The following PTGES variants were observed in gnomAD, a reference collection of about 807,000 sequenced individuals.
PTGES encodes the protein prostaglandin E synthase.
Under a neutral mutation model 11.8 loss-of-function variants are expected in PTGES, and 3 were observed. The ratio of observed to expected loss-of-function variants is 0.25; its 90% CI spans 0.12 to 0.66. The LOEUF is 0.66. Among genes scored for constraint, PTGES ranks in the 30% least tolerant of loss-of-function variants. PTGES has a pLI of 0.82. For synonymous variants in PTGES, 94 were observed against 90.4 expected (o/e 1.04, Z -0.22); for missense variants, 180 against 213.0 (o/e 0.85, Z 0.96).
At position 129,739,350 on chromosome 9, in the gene PTGES, A is replaced by T. The variant is rs1832968792; in HGVS notation, c.*261T>A. 8.5e-6 allele frequency: 4 copies of T among 468,326 alleles called. No homozygotes were observed. The highest frequency in any genetic ancestry group is 1.5e-5 in the Non-Finnish European group (4 of 263,414). The allele number at this position is 468,326 out of a possible 1,614,324, so 29.0% of individuals were successfully genotyped here. On this transcript the variant is annotated 3_prime_UTR_variant, in exon 3 of 3. Transcript: ENST00000340607. The surrounding 1 kb of genome is among the most constrained non-coding windows in gnomAD (Gnocchi z 5.7). ...TACTTTAGCTGAAGGATTTTCTATC[A>T]ATCTTCACAATCTGTCTTGAAATGG...
At chr9:129,741,976 T>C (rs533724166) in intron 2 of PTGES, among the ~76,000 whole-genome samples, 1 of 151,710 alleles carries the variant, frequency 6.6e-6, no homozygotes, top group Admixed American at 6.6e-5. Flanking sequence ...GTCAAGTAAG[T>C]CCCTTACCAG....
At chr9:129,741,789 C>T (rs923217522) in intron 2 of PTGES, among the ~76,000 whole-genome samples, 2 of 152,118 alleles carry the variant, frequency 1.3e-5, no homozygotes, top group Non-Finnish European at 2.9e-5. Context: ...CCTGTAATCC[C>T]AGCTACTCGG....
chr9:129,746,140 TG>T (rs2130952807), intron 2 of PTGES, among the ~76,000 whole-genome samples: 1 of 152,242 alleles, frequency 6.6e-6, no homozygotes, highest in South Asian at 2.1e-4. Context: ...ACCAAGTATC[TG>T]TAAGGCCACT....
At chr9:129,750,523 C>G (rs45527733) in intron 1 of PTGES, among the ~76,000 whole-genome samples, 3,448 of 152,266 alleles carry the variant, frequency 0.023, 138 homozygotes, top group African/African-American at 0.078. Flanking sequence ...GAGTTGCTCC[C>G]CCTGGAGATA....
chr9:129,739,928 T>G lies in PTGES; in HGVS notation c.210-68A>C. Reference sequence around the variant, plus strand: ...GGGGCCATAGGCCCTTTTGAGAGTGTCATGGAAGCTGGGGGTGCTTTGACC... The same window carrying G: ...GGGGCCATAGGCCCTTTTGAGAGTGGCATGGAAGCTGGGGGTGCTTTGACC... On this transcript the variant is annotated intron_variant, in intron 2 of 2. Coordinates refer to ENST00000340607, the MANE Select transcript of PTGES (RefSeq NM_004878.5). This position sits in a 1 kb window ranked among gnomAD's most constrained non-coding sequence, Gnocchi z 5.7. 2.0e-6 allele frequency: 3 copies of G among 1,502,110 alleles called. No individual in the cohort carries two copies. The highest frequency in any genetic ancestry group is 2.7e-6 in the Non-Finnish European group (3 of 1,120,980). 93.0% of individuals were successfully genotyped at this position (1,502,110 alleles called of 1,614,324 possible).
At chr9:129,750,469 C>G (rs1032410975) in intron 1 of PTGES, among the ~76,000 whole-genome samples, 1 of 152,184 alleles carries the variant, frequency 6.6e-6, no homozygotes, top group Non-Finnish European at 1.5e-5. Context: ...TTCAAGGGGC[C>G]TCAGCATACA....
chr9:129,739,477 C>A lies in PTGES; in HGVS notation c.*134G>T. 1 of 1,277,682 alleles carries A rather than the reference C, an allele frequency of 7.8e-7. No homozygotes were observed. The highest frequency in any genetic ancestry group is 1.1e-6 in the Non-Finnish European group (1 of 949,240). The allele number at this position is 1,277,682 out of a possible 1,614,324, so 79.1% of individuals were successfully genotyped here. On this transcript the variant is annotated 3_prime_UTR_variant, in exon 3 of 3. Coordinates refer to ENST00000340607, the MANE Select transcript of PTGES (RefSeq NM_004878.5). This position sits in a 1 kb window ranked among gnomAD's most constrained non-coding sequence, Gnocchi z 5.7. ...ACACAGGCCCACTGTGCCCAGAGAC[C>A]CACACGCGCAGCAGGCTGCCAGGAA...
intron 2 of PTGES, among the ~76,000 whole-genome samples, chr9:129,746,234 C>A (rs1242932177): frequency 6.6e-6 from 1 of 152,164 alleles, no homozygotes; most frequent in Admixed American, 6.6e-5. Flanking sequence ...AAAACGCATC[C>A]TCTTGGTGGC....
At chr9:129,740,852 C>T (rs1463117808) in intron 2 of PTGES, among the ~76,000 whole-genome samples, 1 of 152,210 alleles carries the variant, frequency 6.6e-6, no homozygotes, top group Non-Finnish European at 1.5e-5. Flanking sequence ...GCATGACCTC[C>T]CCCAAGGACA....
chr9:129,748,856 C>T (rs1038747174), intron 1 of PTGES, 119 bp from the exon 2 acceptor site: 11 of 771,690 alleles, frequency 1.4e-5, no homozygotes, highest in Non-Finnish European at 8.1e-6. Context: ...TGCACACACA[C>T]CCATCCAACC....
chr9:129,751,550 G>A (rs1398850723), intron 1 of PTGES, among the ~76,000 whole-genome samples: 1 of 151,798 alleles, frequency 6.6e-6, no homozygotes, highest in African/African-American at 2.4e-5. Context: ...ATGGTGGTGT[G>A]TGTCTGTAAT....
At chr9:129,751,850 A>G (rs1346098266) in intron 1 of PTGES, among the ~76,000 whole-genome samples, 1 of 152,142 alleles carries the variant, frequency 6.6e-6, no homozygotes, top group Admixed American at 6.6e-5. Flanking sequence ...CGGGGATCTC[A>G]TGCTCAGCTC....
Position 129,739,603 on chromosome 9 carries a change from G to A in PTGES, c.*8C>T, listed in dbSNP as rs1423799836. On this transcript the variant is annotated 3_prime_UTR_variant, in exon 3 of 3. Transcript: ENST00000340607. This position sits in a 1 kb window ranked among gnomAD's most constrained non-coding sequence, Gnocchi z 5.7. ...TGGTCTGGTGGCCAAGGAGGCATCA[G>A]CTGCTGGTCACAGGTGGCGGGCCGC... 1 of 1,549,132 alleles carries A rather than the reference G, an allele frequency of 6.5e-7. No homozygotes were observed. Among genetic ancestry groups the A allele is most frequent in the Admixed American group, 2.0e-5 (1 of 50,962 alleles).
chr9:129,743,201 C>A lies in PTGES; in HGVS notation c.210-3341G>T, dbSNP rs1045375835. ...TCTGACTGTCAGCCCCTGGGGCTGG[C>A]CCAGCCCTCCCTCACTCGTCTGGTC... On this transcript the variant is annotated intron_variant, in intron 2 of 2. Transcript: ENST00000340607. 2.0e-5 allele frequency among the ~76,000 whole-genome samples: 3 copies of A among 152,272 alleles called. No homozygotes were observed. In the East Asian group the frequency reaches 5.8e-4, roughly 29 times the overall value.
intron 2 of PTGES, among the ~76,000 whole-genome samples, chr9:129,740,625 G>T (rs966167646): frequency 2.0e-5 from 3 of 152,100 alleles, no homozygotes; most frequent in African/African-American, 7.2e-5. Flanking sequence ...GGGGCGGAGG[G>T]GCTCTGTATA....
rs535112772 is a variant in PTGES at position 129,745,185 on chromosome 9, A to T, written c.209+3470T>A. Reference sequence around the variant, plus strand: ...TTGCCTCTCTTCTTTGGGACCACACAGGTAACCCCTCCGTGCAGTTCCACA... The same window carrying T: ...TTGCCTCTCTTCTTTGGGACCACACTGGTAACCCCTCCGTGCAGTTCCACA... On this transcript the variant is annotated intron_variant, in intron 2 of 2. Transcript: ENST00000340607. The surrounding 1 kb of genome is among the most constrained non-coding windows in gnomAD (Gnocchi z 4.2). Among the ~76,000 whole-genome samples, 1 of 152,298 alleles carries T rather than the reference A, an allele frequency of 6.6e-6. No individual in the cohort carries two copies. The highest frequency in any genetic ancestry group is 2.1e-4 in the South Asian group (1 of 4,828).
Position 129,745,676 on chromosome 9 carries a change from G to A in PTGES, c.209+2979C>T, listed in dbSNP as rs922412802. On this transcript the variant is annotated intron_variant, in intron 2 of 2. Coordinates refer to ENST00000340607, the MANE Select transcript of PTGES (RefSeq NM_004878.5). This position sits in a 1 kb window ranked among gnomAD's most constrained non-coding sequence, Gnocchi z 4.2. Reference sequence around the variant, plus strand: ...ATGGCTATAAAGTATTATTAGATAAGACGCACTCAGAAAGTGCTGAAATGA... The same window carrying A: ...ATGGCTATAAAGTATTATTAGATAAAACGCACTCAGAAAGTGCTGAAATGA... 2.0e-5 allele frequency among the ~76,000 whole-genome samples: 3 copies of A among 152,178 alleles called. No homozygotes were observed. The highest frequency in any genetic ancestry group is 4.4e-5 in the Non-Finnish European group (3 of 68,036).
chr9:129,740,296 T>C (rs1317835110), intron 2 of PTGES, among the ~76,000 whole-genome samples: 4 of 152,160 alleles, frequency 2.6e-5, no homozygotes, highest in Non-Finnish European at 2.9e-5. Flanking sequence ...TGACTGGAGT[T>C]TGTGCTCTTT....
chr9:129,742,764 C>A (rs1396644849), intron 2 of PTGES, among the ~76,000 whole-genome samples: 2 of 151,338 alleles, frequency 1.3e-5, no homozygotes, highest in Admixed American at 1.3e-4. Context: ...CCCAGCTACT[C>A]GGGAGGCTGA....
Sources: gnomAD v4.1 joint callset for allele counts (sites outside exome capture counted in the v4.1 genomes callset) on GRCh38, gnomAD v4.1.1 for gene constraint, Gnocchi (gnomAD v3.1) non-coding constraint, MANE v1.5 for transcripts, NCBI Gene and HGNC (gene_info 2026-07-23, HGNC 2026-07-21) for gene names.